ANXA6: variants seen among roughly 807,000 people sequenced by gnomAD.
ANXA6 encodes the protein 67 kDa calelectrin.
In ANXA6, 71 loss-of-function variants were observed where a neutral mutation model predicts 95.4. The observed-to-expected ratio is 0.74, with a 90% confidence interval of 0.61 to 0.91. The LOEUF (loss-of-function observed/expected upper bound fraction) is 0.91, where lower values mean the gene tolerates loss of function less well. Among genes scored for constraint, ANXA6 ranks in the 40% least tolerant of loss-of-function variants. The pLI is 0.00. For missense variants in ANXA6, 830 were observed against 876.4 expected (o/e 0.95, Z 0.67); for synonymous variants, 289 against 315.9 (o/e 0.91, Z 0.90).
intron 3 of ANXA6, 99 bp from the exon 4 acceptor site, chr5:151,139,546 C>T: frequency 1.3e-6 from 1 of 775,070 alleles, no homozygotes; most frequent in Non-Finnish European, 2.2e-6. Flanking sequence ...TAGCTCCCTG[C>T]AGGCCTCAGC....
chr5:151,123,660 AG>A (rs33977961), intron 15 of ANXA6, among the ~76,000 whole-genome samples: 135,032 of 152,144 alleles, frequency 0.89, 60,130 homozygotes, highest in East Asian at 1. Flanking sequence ...GAGGCTCAGG[AG>A]GGTGATGGAC....
intron 22 of ANXA6, among the ~76,000 whole-genome samples, chr5:151,109,439 C>T (rs1764787569): frequency 6.6e-6 from 1 of 152,100 alleles, no homozygotes; most frequent in African/African-American, 2.4e-5. Flanking sequence ...ACGCGGGACC[C>T]CAGAATCCTT....
intron 15 of ANXA6, among the ~76,000 whole-genome samples, chr5:151,123,296 G>T (rs964447215): frequency 2.0e-5 from 3 of 152,180 alleles, no homozygotes; most frequent in African/African-American, 7.2e-5. Flanking sequence ...TCTGGCTCTG[G>T]CAATGGCTGC....
intron 2 of ANXA6, among the ~76,000 whole-genome samples, chr5:151,142,232 C>T (rs9324681): frequency 0.094 from 14,273 of 152,248 alleles, 669 homozygotes; most frequent in African/African-American, 0.1. Context: ...GTAATCCCAG[C>T]ACTTTGGGAG....
chr5:151,109,132 T>TTG (rs1764779477), intron 22 of ANXA6, among the ~76,000 whole-genome samples: 1 of 151,912 alleles, frequency 6.6e-6, no homozygotes, highest in Non-Finnish European at 1.5e-5. Flanking sequence ...GGCTGTTAAG[T>TTG]GGGGGATTCA....
chr5:151,124,442 G>A lies in ANXA6; in HGVS notation c.1057-75C>T, dbSNP rs1447976800. Reference sequence around the variant, plus strand: ...GACCAGGCTGAAAGACAGCATGCGAGGGTGGGAAGCTCACCCCATGAGCCC... The same window carrying A: ...GACCAGGCTGAAAGACAGCATGCGAAGGTGGGAAGCTCACCCCATGAGCCC... On this transcript the variant is annotated intron_variant, in intron 14 of 25. Coordinates refer to ENST00000354546, the MANE Select transcript of ANXA6 (RefSeq NM_001155.5). The A allele has an allele frequency of 4.8e-6, 7 of 1,460,912 alleles. No individual in the cohort carries two copies. In the Admixed American group the frequency reaches 1.2e-4, roughly 25 times the overall value. The allele number at this position is 1,460,912 out of a possible 1,614,324, so 90.5% of individuals were successfully genotyped here. A position where few individuals can be genotyped will look rare whatever the true frequency, so the allele number is the denominator to read the frequency against.
In ANXA6 at chr5:151,109,287, A is replaced by T. The variant is rs143628461; in HGVS notation, c.1684+466T>A. Among the ~76,000 whole-genome samples, 52 of 152,338 alleles carry T rather than the reference A, an allele frequency of 3.4e-4. 1 individual carries two copies. In the East Asian group the frequency reaches 9.8e-3, roughly 29 times the overall value. Reference sequence around the variant, plus strand: ...TAAATGTCTCAGTGCAGGACACTTCATGATTACCGAGTGCCAGGGCCACTG... The same window carrying T: ...TAAATGTCTCAGTGCAGGACACTTCTTGATTACCGAGTGCCAGGGCCACTG... On this transcript the variant is annotated intron_variant, in intron 22 of 25. Coordinates refer to ENST00000354546, the MANE Select transcript of ANXA6 (RefSeq NM_001155.5).
chr5:151,124,307 G>A lies in ANXA6; in HGVS notation c.1117C>T (p.Arg373Trp), dbSNP rs1249929192. 6.8e-6 allele frequency: 11 copies of A among 1,613,564 alleles called. No individual in the cohort carries two copies. Among genetic ancestry groups the A allele is most frequent in the South Asian group, 1.1e-5 (1 of 90,932 alleles). ...FNPDADAKAL[R>W]KAMKGLGTDE... ...ATACCGAGTCCCTTCATGGCTTTCC[G>A]CAGCGCTTTGGCATCTGCGTCAGGG... The change falls in exon 15 of 26, where the codon CGG becomes TGG. Residue 373 changes from arginine (R) to tryptophan (W), a missense_variant. Transcript: ENST00000354546.
Position 151,100,862 on chromosome 5 carries a change from C to T in ANXA6, c.*586G>A. 2.2e-6 allele frequency: 1 copy of T among 456,134 alleles called. No homozygotes were observed. The highest frequency in any genetic ancestry group is 4.4e-6 in the Non-Finnish European group (1 of 226,956). 28.3% of individuals were successfully genotyped at this position (456,134 alleles called of 1,614,324 possible). ...CATTGTAGATAAGAAAATAGAGACT[C>T]AGGGAGGGAAAGGGGCTGGCCTAAG... On this transcript the variant is annotated 3_prime_UTR_variant, in exon 26 of 26. Coordinates refer to ENST00000354546, the MANE Select transcript of ANXA6 (RefSeq NM_001155.5).
Position 151,109,811 on chromosome 5 carries a change from G to A in ANXA6, c.1626C>T (p.Ser542=). The A allele has an allele frequency of 2.5e-6, 4 of 1,611,196 alleles. No homozygotes were observed. Among genetic ancestry groups the A allele is most frequent in the Non-Finnish European group, 3.4e-6 (4 of 1,178,642 alleles). Residue 542 remains serine (S), a synonymous_variant, in exon 22 of 26, where the codon TCC becomes TCT. Coordinates refer to ENST00000354546, the MANE Select transcript of ANXA6 (RefSeq NM_001155.5). ...GGATCGTCATGAAACGTGTCTCCAA[G>A]GAAGTTTTGTCTCCACTAGGTGTGT... ...IADTPSGDKT[S]LETRFMTILC...
intron 19 of ANXA6, 45 bp downstream of exon 19, chr5:151,117,713 G>C (rs368917701): frequency 6.5e-7 from 1 of 1,531,492 alleles, no homozygotes; most frequent in East Asian, 2.3e-5. Flanking sequence ...TTCCTCCCAG[G>C]CCTCCCGATG....
In ANXA6 at chr5:151,131,269, G is replaced by T. The variant is rs1345465926; in HGVS notation, c.757C>A (p.Pro253Thr). The T allele has an allele frequency of 5.6e-6, 9 of 1,613,928 alleles. No homozygotes were observed. Among genetic ancestry groups the T allele is most frequent in the South Asian group, 3.3e-5 (3 of 91,070 alleles). ...LAVVKCIRST[P>T]EYFAERLFKA... ...AAGAGCCTTTCAGCAAAATATTCCG[G>T]GGTGCTCCGGATACACTTCACTGTG... The change falls in exon 11 of 26, where the codon CCG becomes ACG. Residue 253 changes from proline to threonine, a missense_variant. Pro to Thr is a conservative substitution (Grantham distance 38). Transcript: ENST00000354546.
intron 18 of ANXA6, 57 bp downstream of exon 18, chr5:151,119,243 G>T: frequency 2.1e-6 from 3 of 1,446,370 alleles, no homozygotes; most frequent in Non-Finnish European, 2.9e-6. Context: ...GCTGGGGTTG[G>T]AAGTTGGGGG....
intron 1 of ANXA6, among the ~76,000 whole-genome samples, chr5:151,152,008 G>GT (rs1388780062): frequency 6.6e-6 from 1 of 152,156 alleles, no homozygotes; most frequent in Non-Finnish European, 1.5e-5. Flanking sequence ...AATCAATCAC[G>GT]TTTTCCTCCT....
At position 151,141,650 on chromosome 5, in the gene ANXA6, G is replaced by A. The variant is rs981247250; in HGVS notation, c.19-1407C>T. Reference sequence around the variant, plus strand: ...CGGCCAGGCCTCTGGATGCTCTCTGGTCTCTGTCTGCAGAGGCTGGCTCCT... The same window carrying A: ...CGGCCAGGCCTCTGGATGCTCTCTGATCTCTGTCTGCAGAGGCTGGCTCCT... On this transcript the variant is annotated intron_variant, in intron 2 of 25. Coordinates refer to ENST00000354546, the MANE Select transcript of ANXA6 (RefSeq NM_001155.5). 5 of 985,316 alleles carry A rather than the reference G, an allele frequency of 5.1e-6. No individual in the cohort carries two copies. In the African/African-American group the frequency reaches 8.7e-5, roughly 17 times the overall value. The allele number at this position is 985,316 out of a possible 1,614,324, so 61.0% of individuals were successfully genotyped here. A position where few individuals can be genotyped will look rare whatever the true frequency, so the allele number is the denominator to read the frequency against.
At chr5:151,150,608 GCAGCT>G (rs931325986) in intron 1 of ANXA6, among the ~76,000 whole-genome samples, 2 of 152,184 alleles carry the variant, frequency 1.3e-5, no homozygotes, top group African/African-American at 2.4e-5. Flanking sequence ...GCCTGCAAAT[GCAGCT>G]CAGCTCAGCT....
chr5:151,132,353 C>G (rs1486424379), intron 10 of ANXA6, 123 bp downstream of exon 10: 1 of 769,142 alleles, frequency 1.3e-6, no homozygotes, highest in African/African-American at 1.8e-5. Context: ...ATTCACGGCC[C>G]ACATGGTTTT....
At chr5:151,113,898 T>G (rs1193823680) in intron 20 of ANXA6, among the ~76,000 whole-genome samples, 1 of 152,224 alleles carries the variant, frequency 6.6e-6, no homozygotes, top group Non-Finnish European at 1.5e-5. Context: ...AGCTGATGAA[T>G]GGATAATAGA....
chr5:151,141,504 G>A, intron 2 of ANXA6: 1 of 985,360 alleles, frequency 1.0e-6, no homozygotes, highest in South Asian at 4.7e-5. Context: ...AAAAAAGAGG[G>A]AATGGAGGGT....
Sources: allele counts gnomAD v4.1 joint callset (sites outside exome capture counted in the v4.1 genomes callset), GRCh38; gene constraint gnomAD v4.1.1; transcripts MANE v1.5; gene names NCBI Gene and HGNC (gene_info 2026-07-23, HGNC 2026-07-21).